ERCC6L2: variants seen among roughly 807,000 people sequenced by gnomAD.
The protein encoded by ERCC6L2 is ERCC excision repair 6 like 2.
ERCC6L2 carries 77 observed loss-of-function variants against 132.0 expected under a neutral mutation model. The ratio of observed to expected loss-of-function variants is 0.58; its 90% CI spans 0.49 to 0.71. ERCC6L2 has a LOEUF of 0.71. Among genes scored for constraint, ERCC6L2 ranks in the 30% least tolerant of loss-of-function variants. ERCC6L2 has a pLI of 0.00. For synonymous variants in ERCC6L2, 583 were observed against 632.4 expected (o/e 0.92, Z 1.17); for missense variants, 1,542 against 1,837.6 (o/e 0.84, Z 2.94).
intron 18 of ERCC6L2, 66 bp from the exon 19 acceptor site, chr9:96,012,159 G>A: frequency 9.6e-7 from 1 of 1,045,494 alleles, no homozygotes; most frequent in South Asian, 1.8e-5. Context: ...CCTCTTACTG[G>A]TGATGAGTTC....
intron 1 of ERCC6L2, 103 bp downstream of exon 1, chr9:95,876,187 C>A: frequency 1.9e-6 from 2 of 1,070,518 alleles, no homozygotes; most frequent in South Asian, 1.5e-5. Context: ...CCCTGTAGAT[C>A]CTCTTCAGTG....
In ERCC6L2 at chr9:95,878,705, G is replaced by A. The variant is rs10986964; in HGVS notation, c.47-2164G>A. Among the ~76,000 whole-genome samples the A allele has an allele frequency of 4.4e-4, 59 of 135,188 alleles. No homozygotes were observed. The East Asian group carries it at 0.01, about 24-fold the overall frequency. 88.7% of individuals were successfully genotyped at this position (135,188 alleles called of 152,430 possible). ...CAGAGTGTGATGTTCCCCTTCCTGT[G>A]TCCATGTGTTCTCATTGTTCAATTC... On this transcript the variant is annotated intron_variant, in intron 1 of 18. Transcript: ENST00000653738.
intron 15 of ERCC6L2, 95 bp downstream of exon 15, chr9:95,970,751 TA>T (rs113625132): frequency 0.013 from 9,286 of 704,542 alleles, 53 homozygotes; most frequent in African/African-American, 0.042. Context: ...TTATAACCTG[TA>T]AAAAAAAAAA....
rs1827471457 is a variant in ERCC6L2 at position 95,879,410 on chromosome 9, T to C, written c.47-1459T>C. On this transcript the variant is annotated intron_variant, in intron 1 of 18. Transcript: ENST00000653738. ...AGATAATAAAATAAGTCTTAAGAAA[T>C]GATAGGGTAGGCAAACACATAATGG... 1.3e-5 allele frequency among the ~76,000 whole-genome samples: 2 copies of C among 152,174 alleles called. 1 individual carries two copies. The highest frequency in any genetic ancestry group is 4.1e-4 in the South Asian group (2 of 4,832).
intron 12 of ERCC6L2, among the ~76,000 whole-genome samples, chr9:95,949,447 A>T (rs1338603187): frequency 6.6e-6 from 1 of 152,154 alleles, no homozygotes. Context: ...GAAAGCAGCA[A>T]GAGAAAAGCA....
chr9:95,897,932 A>G lies in ERCC6L2; in HGVS notation c.555A>G (p.Arg185=). 3 of 1,612,390 alleles carry G rather than the reference A, an allele frequency of 1.9e-6. No homozygotes were observed. Among genetic ancestry groups the G allele is most frequent in the Non-Finnish European group, 2.5e-6 (3 of 1,179,174 alleles). The change falls in exon 3 of 19, where the codon AGA becomes AGG. Residue 185 remains arginine, a synonymous_variant. Coordinates refer to ENST00000653738, the MANE Select transcript of ERCC6L2 (RefSeq NM_020207.7). ...ATAACATGCCAGAGTTTTTACTAAGAAGTATGAAAAAGGAACCCCTTTCTT... is the reference window on the plus strand; with the variant it reads ...ATAACATGCCAGAGTTTTTACTAAGGAGTATGAAAAAGGAACCCCTTTCTT... ...IENNMPEFLL[R]SMKKEPLSST... is the part of the protein sequence containing the mutation.
rs1310291602 is a variant in ERCC6L2, at chr9:95,972,254, G to A, written c.2503G>A (p.Gly835Ser). The A allele has an allele frequency of 3.1e-6, 4 of 1,303,786 alleles. No homozygotes were observed. The highest frequency in any genetic ancestry group is 4.0e-6 in the Non-Finnish European group (4 of 988,852). The allele number at this position is 1,303,786 out of a possible 1,614,324, so 80.8% of individuals were successfully genotyped here. A position where few individuals can be genotyped will look rare whatever the true frequency, so the allele number is the denominator to read the frequency against. Residue 835 changes from glycine (G) to serine (S), a missense_variant, in exon 16 of 19, where the codon GGT becomes AGT. Physicochemically the swap from Gly to Ser is moderately conservative, Grantham distance 56. Transcript: ENST00000653738. ...TCLSTEAKDA[G>S]CEKNQDSLGT... ...CCTTTCAACAGAAGCCAAAGATGCT[G>A]GTTGTGAGAAAAATCAGGACTCTCT...
chr9:95,972,731 G>A lies in ERCC6L2; in HGVS notation c.2980G>A (p.Val994Ile). ...DDIEISSKSR[V>I]RKRASSLRFK... ...CATTGAAATTTCTTCCAAGTCAAGA[G>A]TAAGAAAGAGAGCTAGTTCATTGAG... Residue 994 changes from valine to isoleucine, a missense_variant, in exon 16 of 19, where the codon GTA becomes ATA. Physicochemically the swap from Val to Ile is conservative, Grantham distance 29. Around this residue, in one of 4 missense-constraint regions of ERCC6L2, gnomAD observed 945 missense variants for 1,105.2 expected, o/e 0.86. Coordinates refer to ENST00000653738, the MANE Select transcript of ERCC6L2 (RefSeq NM_020207.7). The A allele has an allele frequency of 1.5e-6, 2 of 1,302,900 alleles. No individual in the cohort carries two copies. Among genetic ancestry groups the A allele is most frequent in the Non-Finnish European group, 2.0e-6 (2 of 988,826 alleles). The allele number at this position is 1,302,900 out of a possible 1,614,324, so 80.7% of individuals were successfully genotyped here. A position where few individuals can be genotyped will look rare whatever the true frequency, so the allele number is the denominator to read the frequency against.
At chr9:95,901,194 CAA>C (rs991956970) in intron 3 of ERCC6L2, among the ~76,000 whole-genome samples, 5 of 151,994 alleles carry the variant, frequency 3.3e-5, no homozygotes, top group African/African-American at 1.2e-4. Flanking sequence ...TTTATAATGA[CAA>C]AACATCTTCT....
At chr9:95,988,801 A>G (rs546488961) in intron 17 of ERCC6L2, among the ~76,000 whole-genome samples, 12 of 152,304 alleles carry the variant, frequency 7.9e-5, no homozygotes, top group East Asian at 1.9e-4. Flanking sequence ...TTCCAATACT[A>G]TCTGCCTGGA....
At chr9:96,011,294 C>G (rs1400991322) in intron 18 of ERCC6L2, among the ~76,000 whole-genome samples, 3 of 152,230 alleles carry the variant, frequency 2.0e-5, no homozygotes, top group Non-Finnish European at 4.4e-5. Context: ...GAGAAAGAAA[C>G]TGTGTGGGTT....
At chr9:95,878,966 C>G (rs546546167) in intron 1 of ERCC6L2, among the ~76,000 whole-genome samples, 42 of 150,426 alleles carry the variant, frequency 2.8e-4, no homozygotes, top group African/African-American at 1.0e-3. Flanking sequence ...AATAAACATA[C>G]GTGTGCATGT....
chr9:95,996,041 G>A (rs1433909424), intron 17 of ERCC6L2, among the ~76,000 whole-genome samples: 3 of 152,186 alleles, frequency 2.0e-5, no homozygotes, highest in African/African-American at 7.2e-5. Context: ...CATTAGAAAG[G>A]CATGTCAAAA....
chr9:95,922,031 A>G (rs1344330420), intron 7 of ERCC6L2, among the ~76,000 whole-genome samples: 2 of 152,320 alleles, frequency 1.3e-5, no homozygotes, highest in East Asian at 1.9e-4. Flanking sequence ...TAACAGCAAC[A>G]TTTCCATCAC....
chr9:95,952,643 G>A (rs1831391721), intron 12 of ERCC6L2, among the ~76,000 whole-genome samples: 1 of 152,144 alleles, frequency 6.6e-6, no homozygotes, highest in Non-Finnish European at 1.5e-5. Context: ...AGGCCTGCCT[G>A]ACCAACATGG....
In ERCC6L2 at chr9:95,922,396, C is replaced by A; in HGVS notation, c.1391C>A (p.Ala464Asp). 1 of 1,609,180 alleles carries A rather than the reference C, an allele frequency of 6.2e-7. No homozygotes were observed. Among genetic ancestry groups the A allele is most frequent in the Non-Finnish European group, 8.5e-7 (1 of 1,175,872 alleles). Residue 464 changes from alanine to aspartate, a missense_variant, in exon 8 of 19, where the codon GCT becomes GAT. Physicochemically the swap from Ala to Asp is moderately radical, Grantham distance 126. Transcript: ENST00000653738. ...GCTAACCATGTCGCGCTACTGCAAGCTGCTAGTACTTCCAAACAACAGGTT... is the reference window on the plus strand; with the variant it reads ...GCTAACCATGTCGCGCTACTGCAAGATGCTAGTACTTCCAAACAACAGGTT... ...KVANHVALLQ[A>D]ASTSKQQETL...
chr9:95,966,906 C>G (rs589362), intron 14 of ERCC6L2, 192 bp downstream of exon 14: 118,133 of 401,512 alleles, frequency 0.29, 18,343 homozygotes, highest in East Asian at 0.38. Flanking sequence ...TTTTCCCATG[C>G]ATAATTACAA....
chr9:95,886,735 T>C (rs1827889489), intron 2 of ERCC6L2, among the ~76,000 whole-genome samples: 1 of 152,236 alleles, frequency 6.6e-6, no homozygotes, highest in African/African-American at 2.4e-5. Context: ...GATTGAAGGA[T>C]ACAAAGTATT....
chr9:95,941,052 T>C (rs1462862349), intron 11 of ERCC6L2, among the ~76,000 whole-genome samples: 1 of 152,186 alleles, frequency 6.6e-6, no homozygotes, highest in African/African-American at 2.4e-5. Context: ...GAGTTTTAGC[T>C]GCACTTAGTG....
Sources: allele counts gnomAD v4.1 joint callset (sites outside exome capture counted in the v4.1 genomes callset), GRCh38; gene constraint gnomAD v4.1.1; regional missense constraint gnomAD v4.1.1; transcripts MANE v1.5; gene names NCBI Gene and HGNC (gene_info 2026-07-23, HGNC 2026-07-21).